EYS: variants seen among roughly 807,000 people sequenced by gnomAD.
The protein encoded by EYS is protein eyes shut homolog.
EYS carries 250 observed loss-of-function variants against 282.1 expected under a neutral mutation model. The ratio of observed to expected loss-of-function variants is 0.89; its 90% confidence interval spans 0.80 to 0.98. EYS has a LOEUF of 0.98. Ranked by LOEUF, EYS falls within the 50% of genes least tolerant of loss-of-function variation. The pLI is 0.00. For synonymous variants in EYS, 1,355 were observed against 1,282.9 expected, an observed-to-expected ratio of 1.06 and a Z score of -1.20; for missense variants, 4,016 against 3,709.0, an observed-to-expected ratio of 1.08 and a Z score of -2.15.
At chr6:65,476,289 T>G (rs564860835) in intron 5 of EYS, among the ~76,000 whole-genome samples, 3 of 152,286 alleles carry the variant, frequency 2.0e-5, no homozygotes, top group Admixed American at 2.0e-4. Context: ...CTATCAGAGT[T>G]GGTCTACCAT....
At chr6:63,786,912 T>C (rs1243229458) in intron 39 of EYS, among the ~76,000 whole-genome samples, 1 of 152,062 alleles carries the variant, frequency 6.6e-6, no homozygotes, top group Non-Finnish European at 1.5e-5. Context: ...ACAGTTGCAA[T>C]TTGGTTGTCC....
At chr6:64,973,253 A>G (rs1770357467) in intron 14 of EYS, among the ~76,000 whole-genome samples, 1 of 152,050 alleles carries the variant, frequency 6.6e-6, no homozygotes, top group African/African-American at 2.4e-5. Flanking sequence ...GATTCACTTA[A>G]CAGATACTTA....
At chr6:65,444,136 G>A (rs1336402655) in intron 5 of EYS, among the ~76,000 whole-genome samples, 2 of 151,954 alleles carry the variant, frequency 1.3e-5, no homozygotes, top group East Asian at 1.9e-4. Flanking sequence ...AGGAAACAGA[G>A]TAGTCAATTT....
At chr6:64,364,913 A>G (rs1468630738) in intron 29 of EYS, among the ~76,000 whole-genome samples, 3 of 151,794 alleles carry the variant, frequency 2.0e-5, no homozygotes, top group Non-Finnish European at 4.4e-5. Context: ...AATAAAAATA[A>G]CCTGTATAAT....
chr6:64,373,947 G>A (rs892582515), intron 29 of EYS, among the ~76,000 whole-genome samples: 3 of 151,804 alleles, frequency 2.0e-5, no homozygotes, highest in Non-Finnish European at 4.4e-5. Flanking sequence ...ATAGGCATTA[G>A]CTGCCTGGCT....
chr6:64,564,917 C>G (rs1310720809), intron 26 of EYS, among the ~76,000 whole-genome samples: 1 of 152,110 alleles, frequency 6.6e-6, no homozygotes, highest in Non-Finnish European at 1.5e-5. Flanking sequence ...TTGATGTATA[C>G]TACCTGATTT....
chr6:64,177,098 T>C (rs773630491), intron 31 of EYS, among the ~76,000 whole-genome samples: 31 of 151,706 alleles, frequency 2.0e-4, no homozygotes, highest in Non-Finnish European at 3.7e-4. Flanking sequence ...ATTTACATCA[T>C]TTGGTAATTT....
intron 29 of EYS, among the ~76,000 whole-genome samples, chr6:64,329,597 A>T (rs1454241540): frequency 2.6e-5 from 4 of 152,140 alleles, no homozygotes; most frequent in Non-Finnish European, 5.9e-5. Context: ...AGGCACCCGT[A>T]GTGGTGGAAC....
chr6:64,343,384 G>C (rs938282722), intron 29 of EYS, among the ~76,000 whole-genome samples: 1 of 151,904 alleles, frequency 6.6e-6, no homozygotes, highest in Non-Finnish European at 1.5e-5. Flanking sequence ...AATCAAACTA[G>C]AACTCAGGAT....
chr6:64,763,881 C>T (rs2149980511), intron 22 of EYS, among the ~76,000 whole-genome samples: 2 of 152,302 alleles, frequency 1.3e-5, no homozygotes, highest in South Asian at 4.1e-4. Flanking sequence ...GTTGGGCAGT[C>T]ATTAAATATT....
At chr6:64,588,337 G>A (rs1033100275) in intron 26 of EYS, among the ~76,000 whole-genome samples, 13 of 152,010 alleles carry the variant, frequency 8.6e-5, no homozygotes, top group African/African-American at 2.2e-4. Context: ...TGCTCTTCCC[G>A]ATCTTCTTTC....
At chr6:64,918,947 TA>T (rs534696940) in intron 15 of EYS, among the ~76,000 whole-genome samples, 1 of 152,186 alleles carries the variant, frequency 6.6e-6, no homozygotes, top group South Asian at 2.1e-4. Flanking sequence ...ATACTAGGAA[TA>T]AATAAATTTA....
In EYS at chr6:64,067,386, T is replaced by C. The variant is rs575564218; in HGVS notation, c.6572-895A>G. 1.5e-3 allele frequency among the ~76,000 whole-genome samples: 235 copies of C among 152,222 alleles called. 1 individual carries two copies. The highest frequency in any genetic ancestry group is 3.3e-3 in the Admixed American group (51 of 15,274). The stretch of plus-strand genomic sequence containing the variant: ...TGTCAGAAGTCCTACCAATCACTAT[T>C]CTTTTCTGCTCTTCATCAAAAGTAA... On this transcript the variant is annotated intron_variant, in intron 32 of 42. Coordinates refer to ENST00000503581, the MANE Select transcript of EYS (RefSeq NM_001142800.2).
At chr6:64,997,086 T>C (rs2150125650) in intron 14 of EYS, among the ~76,000 whole-genome samples, 1 of 152,220 alleles carries the variant, frequency 6.6e-6, no homozygotes, top group South Asian at 2.1e-4. Flanking sequence ...TGGAACATGC[T>C]TGTGACAAAG....
intron 2 of EYS, among the ~76,000 whole-genome samples, chr6:65,637,331 A>G (rs1268329781): frequency 6.6e-6 from 1 of 152,220 alleles, no homozygotes; most frequent in Admixed American, 6.5e-5. Flanking sequence ...TATTATATTT[A>G]AAATAATTGG....
intron 35 of EYS, among the ~76,000 whole-genome samples, chr6:63,876,821 G>A (rs1457868041): frequency 6.6e-6 from 1 of 151,864 alleles, no homozygotes; most frequent in African/African-American, 2.4e-5. Flanking sequence ...CATTTGCTTG[G>A]TAGATCTTCC....
intron 8 of EYS, among the ~76,000 whole-genome samples, chr6:65,380,869 G>A (rs938693374): frequency 2.0e-5 from 3 of 152,066 alleles, no homozygotes; most frequent in African/African-American, 7.2e-5. Context: ...ATAAAAAAAA[G>A]CTCATCATCA....
At chr6:63,749,429 C>T (rs980880086) in intron 41 of EYS, among the ~76,000 whole-genome samples, 1 of 152,052 alleles carries the variant, frequency 6.6e-6, no homozygotes, top group South Asian at 2.1e-4. Context: ...AGAGTGTGTG[C>T]CATGTGACAA....
intron 12 of EYS, among the ~76,000 whole-genome samples, chr6:65,269,520 T>C (rs895831638): frequency 1.3e-5 from 2 of 152,186 alleles, no homozygotes; most frequent in African/African-American, 4.8e-5. Flanking sequence ...TGCTGTGATA[T>C]GTGGGTTAGA....
Sources: allele counts gnomAD v4.1 joint callset (sites outside exome capture counted in the v4.1 genomes callset), GRCh38; gene constraint gnomAD v4.1.1; transcripts MANE v1.5; gene names NCBI Gene and HGNC (gene_info 2026-07-23, HGNC 2026-07-21).